Variants in CDK6 observed in about 807,000 individuals in gnomAD.
CDK6 encodes cyclin-dependent kinase 6.
A neutral mutation model predicts 37.1 loss-of-function variants in CDK6; 6 were observed. The observed-to-expected ratio is 0.16, with a 90% CI of 0.09 to 0.32. CDK6 has a LOEUF of 0.32. Ranked by LOEUF, CDK6 falls within the 10% of genes least tolerant of loss-of-function variation. CDK6 has a pLI of 1.00. For synonymous variants in CDK6, 160 were observed against 161.3 expected, an observed-to-expected ratio of 0.99 and a Z score of 0.06; for missense variants, 224 against 418.9, an observed-to-expected ratio of 0.53 and a Z score of 4.06.
At chr7:92,784,539 C>T (rs920092338) in intron 2 of CDK6, among the ~76,000 whole-genome samples, 8 of 152,116 alleles carry the variant, frequency 5.3e-5, no homozygotes, top group Non-Finnish European at 1.0e-4. Context: ...TACCTTCAAT[C>T]AGCCACTCCA....
intron 4 of CDK6, among the ~76,000 whole-genome samples, chr7:92,720,483 G>A (rs1490547405): frequency 6.6e-6 from 1 of 152,160 alleles, no homozygotes; most frequent in Non-Finnish European, 1.5e-5. Flanking sequence ...GGTTGATAAA[G>A]AGTTCCAAGA....
intron 5 of CDK6, among the ~76,000 whole-genome samples, chr7:92,652,010 C>T (rs1796585782): frequency 6.6e-6 from 1 of 152,184 alleles, no homozygotes; most frequent in Non-Finnish European, 1.5e-5. Context: ...TCAACACGCT[C>T]ACTTATAGGG....
Position 92,614,213 on chromosome 7 carries a change from A to C in CDK6, c.*927T>G, listed in dbSNP as rs984403887. The C allele has an allele frequency of 3.9e-5, 9 of 233,048 alleles. No individual in the cohort carries two copies. Among genetic ancestry groups the C allele is most frequent in the Non-Finnish European group, 6.8e-5 (8 of 118,000 alleles). 14.4% of individuals were successfully genotyped at this position (233,048 alleles called of 1,614,324 possible). A position where few individuals can be genotyped will look rare whatever the true frequency, so the allele number is the denominator to read the frequency against. On this transcript the variant is annotated 3_prime_UTR_variant, in exon 8 of 8. Coordinates refer to ENST00000424848, the MANE Select transcript of CDK6 (RefSeq NM_001145306.2). ...CAACAAACAACAATAACAACAACAA[A>C]AAAAGGGAAGAAAGGAATTTCAAAC...
intron 2 of CDK6, among the ~76,000 whole-genome samples, chr7:92,827,237 T>C (rs1468713923): frequency 6.6e-6 from 1 of 152,180 alleles, no homozygotes; most frequent in Non-Finnish European, 1.5e-5. Context: ...AAAAAATCCT[T>C]ATGCTGTGAT....
intron 4 of CDK6, among the ~76,000 whole-genome samples, chr7:92,720,945 G>A (rs780270692): frequency 6.6e-6 from 1 of 152,142 alleles, no homozygotes; most frequent in African/African-American, 2.4e-5. Context: ...TTACCTATCA[G>A]CTATGTACAA....
chr7:92,724,228 T>G (rs545087388), intron 4 of CDK6, among the ~76,000 whole-genome samples: 1 of 152,322 alleles, frequency 6.6e-6, no homozygotes, highest in East Asian at 1.9e-4. Flanking sequence ...TGTGATTACA[T>G]AAGAATACAA....
intron 2 of CDK6, among the ~76,000 whole-genome samples, chr7:92,776,897 A>C (rs1799864804): frequency 6.6e-6 from 1 of 152,032 alleles, no homozygotes; most frequent in Non-Finnish European, 1.5e-5. Context: ...GCTGTGCAGA[A>C]GCTCTTTAAT....
chr7:92,663,412 T>G (rs1013665475), intron 5 of CDK6, among the ~76,000 whole-genome samples: 2 of 152,000 alleles, frequency 1.3e-5, no homozygotes, highest in Non-Finnish European at 2.9e-5. Flanking sequence ...CATCAAGAAT[T>G]TAAAAAATCA....
intron 2 of CDK6, among the ~76,000 whole-genome samples, chr7:92,810,330 C>T (rs2115937291): frequency 6.6e-6 from 1 of 152,282 alleles, no homozygotes; most frequent in East Asian, 1.9e-4. Context: ...ATGACTGAAA[C>T]ACTTGTAGTA....
intron 3 of CDK6, among the ~76,000 whole-genome samples, chr7:92,759,105 A>G (rs1389198268): frequency 6.6e-6 from 1 of 152,170 alleles, no homozygotes; most frequent in Admixed American, 6.5e-5. Context: ...TTAAAAGGCA[A>G]TCCAGCAAGC....
In CDK6 at chr7:92,623,037, C is replaced by T. The variant is rs2116494778; in HGVS notation, c.697G>A (p.Asp233Asn). The T allele has an allele frequency of 6.4e-7, 1 of 1,571,902 alleles. No homozygotes were observed. The highest frequency in any genetic ancestry group is 1.1e-5 in the South Asian group (1 of 88,322). ...SDVDQLGKIL[D>N]VIGLPGEEDW... Reference sequence around the variant, plus strand: ...TGTAAAATTATAATTATTACTTACTCCAAGATTTTTCCTAGTTGATCAACA... The same window carrying T: ...TGTAAAATTATAATTATTACTTACTTCAAGATTTTTCCTAGTTGATCAACA... Residue 233 changes from aspartate to asparagine, a missense_variant and splice_region_variant, in exon 6 of 8, where the codon GAC becomes AAC. Physicochemically the swap from Asp to Asn is conservative, Grantham distance 23 (BLOSUM62 1). Transcript: ENST00000424848.
At chr7:92,628,900 G>T (rs1795990666) in intron 5 of CDK6, among the ~76,000 whole-genome samples, 1 of 152,100 alleles carries the variant, frequency 6.6e-6, no homozygotes, top group African/African-American at 2.4e-5. Flanking sequence ...TCCAGTGCTT[G>T]CTTCAGCCAG....
chr7:92,773,431 C>T (rs1437670552), intron 3 of CDK6, among the ~76,000 whole-genome samples: 1 of 152,068 alleles, frequency 6.6e-6, no homozygotes, highest in Non-Finnish European at 1.5e-5. Context: ...GTCCAATTTG[C>T]CTAGAAAACT....
rs546701528 is a variant in CDK6, at chr7:92,696,208, C to T, written c.538-24673G>A. On this transcript the variant is annotated intron_variant, in intron 4 of 7. Transcript: ENST00000424848. ...CTTTTCCCAGCTAGCCAATGAGAGG[C>T]GAGGCTACAAGAGTGGGCTTCCTAT... Among the ~76,000 whole-genome samples, 23 of 152,232 alleles carry T rather than the reference C, an allele frequency of 1.5e-4. No homozygotes were observed. In the South Asian group the frequency reaches 3.1e-3, roughly 21 times the overall value.
Position 92,613,182 on chromosome 7 carries a change from C to T in CDK6, c.*1958G>A, listed in dbSNP as rs537835980. 41 of 233,172 alleles carry T rather than the reference C, an allele frequency of 1.8e-4. No individual in the cohort carries two copies. The highest frequency in any genetic ancestry group is 7.2e-4 in the South Asian group (4 of 5,522). 14.4% of individuals were successfully genotyped at this position (233,172 alleles called of 1,614,324 possible). On this transcript the variant is annotated 3_prime_UTR_variant, in exon 8 of 8. Coordinates refer to ENST00000424848, the MANE Select transcript of CDK6 (RefSeq NM_001145306.2). ...GTACAGCAATTAAAAAAGAATAGTT[C>T]CCAACCCCAAAAGCTCTTCAGGAGA...
At chr7:92,809,834 G>A (rs757782247) in intron 2 of CDK6, among the ~76,000 whole-genome samples, 4 of 152,184 alleles carry the variant, frequency 2.6e-5, no homozygotes, top group Non-Finnish European at 5.9e-5. Flanking sequence ...AAGGTCATTC[G>A]ATATCATTAG....
intron 4 of CDK6, among the ~76,000 whole-genome samples, chr7:92,690,622 C>T (rs1562937025): frequency 6.6e-6 from 1 of 152,156 alleles, no homozygotes. Context: ...CTTTCTCCCC[C>T]TCACATAACA....
At chr7:92,677,664 T>G (rs1797236907) in intron 4 of CDK6, among the ~76,000 whole-genome samples, 1 of 152,212 alleles carries the variant, frequency 6.6e-6, no homozygotes, top group African/African-American at 2.4e-5. Flanking sequence ...TAGCATTTTC[T>G]AATAGTTGTT....
chr7:92,652,147 A>T (rs2116561348), intron 5 of CDK6, among the ~76,000 whole-genome samples: 1 of 152,362 alleles, frequency 6.6e-6, no homozygotes, highest in Admixed American at 6.5e-5. Context: ...ATTAATATAG[A>T]TCATCTTCAA....
Sources: gnomAD v4.1 joint callset for allele counts (sites outside exome capture counted in the v4.1 genomes callset) on GRCh38, gnomAD v4.1.1 for gene constraint, MANE v1.5 for transcripts, NCBI Gene and HGNC (gene_info 2026-07-23, HGNC 2026-07-21) for gene names.